The following POLGARF variants were observed in gnomAD, a reference collection of about 807,000 sequenced individuals.
POLGARF encodes POLG alternative reading frame.
At chr15:89,331,373 C>CT in the POLGARF span, among the ~76,000 whole-genome samples, 1 of 151,976 alleles carries the variant, frequency 6.6e-6, no homozygotes, top group Non-Finnish European at 1.5e-5. Context: ...AATGCCAAAT[C>CT]TTTGAGGCCA....
the POLGARF span, among the ~76,000 whole-genome samples, chr15:89,330,731 C>CA: frequency 0.05 from 5,907 of 117,806 alleles, 288 homozygotes; most frequent in African/African-American, 0.16. Context: ...ATTGAATTGG[C>CA]AAAAAAAAAA....
the POLGARF span, chr15:89,332,425 G>GA: frequency 6.6e-5 from 10 of 152,204 alleles, 1 homozygote; most frequent in Admixed American, 6.5e-4. Flanking sequence ...ATCATTGTTT[G>GA]AAAAAGAAAC....
chr15:89,333,444 A>C, the POLGARF span: 1 of 1,609,908 alleles, frequency 6.2e-7, no homozygotes, highest in Non-Finnish European at 8.5e-7. Flanking sequence ...CAGGTGCTCG[A>C]CGCTGCGGCG....
the POLGARF span, chr15:89,333,627 T>TGCTGCTGCC: frequency 1.3e-6 from 2 of 1,581,460 alleles, no homozygotes; most frequent in African/African-American, 2.7e-5. Flanking sequence ...CTGCTGCTGC[T>TGCTGCTGCC]GCCGCCGCCG....
At chr15:89,330,425 G>C in the POLGARF span, 1 of 711,858 alleles carries the variant, frequency 1.4e-6, no homozygotes, top group Non-Finnish European at 2.5e-6. Flanking sequence ...AACTCAAACA[G>C]CTACAGGTCA....
At chr15:89,333,524 C>A in the POLGARF span, 2 of 1,612,928 alleles carry the variant, frequency 1.2e-6, no homozygotes, top group Non-Finnish European at 1.7e-6. Flanking sequence ...TCGAGAGCAT[C>A]TGGATGTCCA....
chr15:89,331,679 T>C, the POLGARF span, among the ~76,000 whole-genome samples: 5 of 152,254 alleles, frequency 3.3e-5, no homozygotes, highest in East Asian at 3.9e-4. Context: ...CCATTGTAAA[T>C]TGTGGGCTGG....
the POLGARF span, chr15:89,333,752 C>G: frequency 2.0e-6 from 3 of 1,535,110 alleles, no homozygotes; most frequent in African/African-American, 4.1e-5. Context: ...GCAGGCGGCT[C>G]ATGGTTGGTG....
chr15:89,333,688 C>A, the POLGARF span: 1 of 1,544,718 alleles, frequency 6.5e-7, no homozygotes, highest in Non-Finnish European at 8.7e-7. Flanking sequence ...ACCCAGCGCC[C>A]CGGAGCTGGA....
chr15:89,330,764 A>C, the POLGARF span, among the ~76,000 whole-genome samples: 1 of 150,720 alleles, frequency 6.6e-6, no homozygotes, highest in South Asian at 2.1e-4. Context: ...GCTGCTGCAC[A>C]CATGTACAGG....
the POLGARF span, chr15:89,333,648 C>T: frequency 1.3e-6 from 2 of 1,585,606 alleles, no homozygotes; most frequent in South Asian, 2.2e-5. Flanking sequence ...CTGCCCGTCG[C>T]TGGGGTCGGA....
the POLGARF span, among the ~76,000 whole-genome samples, chr15:89,330,938 G>C: frequency 6.6e-6 from 1 of 152,176 alleles, no homozygotes; most frequent in African/African-American, 2.4e-5. Context: ...AGTGCTGCCT[G>C]TTGGGGGCCC....
chr15:89,331,290 G>A, the POLGARF span, among the ~76,000 whole-genome samples: 1,261 of 152,188 alleles, frequency 8.3e-3, 13 homozygotes, highest in Non-Finnish European at 0.013. Context: ...GGGACTGAAA[G>A]AAATCCCCAC....
the POLGARF span, chr15:89,333,384 T>A: frequency 1.3e-6 from 2 of 1,585,372 alleles, no homozygotes; most frequent in Non-Finnish European, 8.6e-7. Context: ...CAGGCGCAGC[T>A]CCACGTCGGG....
At chr15:89,331,833 C>A in the POLGARF span, among the ~76,000 whole-genome samples, 1 of 147,550 alleles carries the variant, frequency 6.8e-6, no homozygotes, top group Non-Finnish European at 1.5e-5. Flanking sequence ...CAGGCCTTAA[C>A]AGTGACTTCT....
the POLGARF span, chr15:89,333,114 G>A: frequency 9.9e-6 from 15 of 1,521,240 alleles, no homozygotes; most frequent in Non-Finnish European, 1.1e-5. Flanking sequence ...GGGGGATATG[G>A]CCACCGCCAA....
the POLGARF span, chr15:89,333,688 C>T: frequency 6.5e-6 from 10 of 1,544,600 alleles, no homozygotes; most frequent in Admixed American, 9.7e-5. Context: ...ACCCAGCGCC[C>T]CGGAGCTGGA....
the POLGARF span, chr15:89,333,671 G>A: frequency 6.4e-7 from 1 of 1,558,026 alleles, no homozygotes; most frequent in Admixed American, 1.9e-5. Context: ...CGGGGACGGA[G>A]CTGGAGACCC....
the POLGARF span, chr15:89,333,609 TGCTGCTGCTGCTGCTGCTGCC>T: frequency 2.1e-5 from 33 of 1,598,220 alleles, no homozygotes; most frequent in South Asian, 8.9e-5. Context: ...CTGCTGCTGC[TGCTGCTGCTGCTGCTGCTGCC>T]GCCGCCGCTG....
Sources: allele counts gnomAD v4.1 joint callset (sites outside exome capture counted in the v4.1 genomes callset), GRCh38; gene constraint gnomAD v4.1.1; transcripts MANE v1.5; gene names NCBI Gene and HGNC (gene_info 2026-07-23, HGNC 2026-07-21).